TCTN3: variants seen among roughly 807,000 people sequenced by gnomAD.
TCTN3 encodes the protein tectonic family member 3, also known as tectonic-3.
TCTN3 carries 57 observed loss-of-function variants against 71.3 expected under a neutral mutation model. The ratio of observed to expected loss-of-function variants is 0.80; its 90% confidence interval spans 0.65 to 1.00. The LOEUF is 1.00. TCTN3 is among the 50% of genes least tolerant of loss of function. TCTN3 has a pLI of 0.00. For synonymous variants in TCTN3, 258 were observed against 267.8 expected, an observed-to-expected ratio of 0.96 and a Z score of 0.36; for missense variants, 696 against 719.9, an observed-to-expected ratio of 0.97 and a Z score of 0.38.
At chr10:95,676,310 A>C (rs1406044585) in intron 13 of TCTN3, among the ~76,000 whole-genome samples, 3 of 148,812 alleles carry the variant, frequency 2.0e-5, no homozygotes, top group African/African-American at 7.5e-5. Flanking sequence ...GCTGGAGTGC[A>C]GTGGCAGGAT....
intron 13 of TCTN3, among the ~76,000 whole-genome samples, chr10:95,678,533 CA>C (rs71034346): frequency 0.79 from 81,992 of 103,772 alleles, 31,315 homozygotes; most frequent in Non-Finnish European, 0.85. Flanking sequence ...AACACTGTCT[CA>C]AAAAAAAAAA....
rs747387594 is a variant in TCTN3 at position 95,683,159 on chromosome 10, A to G, written c.1240T>C (p.Ser414Pro). The stretch of plus-strand genomic sequence containing the variant: ...AACTGCACTTCATGTCTTTTAACAG[A>G]GCAACTTCCATTACCCTGGCTCTGT... Reference protein sequence around the residue: ...LLQSQGNGSCSVKRHEVQFGV... With the variant: ...LLQSQGNGSCPVKRHEVQFGV... Residue 414 changes from serine to proline, a missense_variant, in exon 11 of 14, where the codon TCT becomes CCT. Coordinates refer to ENST00000371217, the MANE Select transcript of TCTN3 (RefSeq NM_015631.6). 2.5e-6 allele frequency: 4 copies of G among 1,614,068 alleles called. No individual in the cohort carries two copies. The African/African-American group carries it at 4.0e-5, about 16-fold the overall frequency.
At position 95,683,170 on chromosome 10, in the gene TCTN3, T is replaced by C. The variant is rs1381599648; in HGVS notation, c.1229A>G (p.Asn410Ser). 2 of 1,613,958 alleles carry C rather than the reference T, an allele frequency of 1.2e-6. No homozygotes were observed. The highest frequency in any genetic ancestry group is 1.7e-6 in the Non-Finnish European group (2 of 1,179,988). Residue 410 changes from asparagine (N) to serine (S), a missense_variant, in exon 11 of 14, where the codon AAT becomes AGT. By Grantham distance (46) the Asn-to-Ser change is conservative. Transcript: ENST00000371217. ...ATGTCTTTTAACAGAGCAACTTCCA[T>C]TACCCTGGCTCTGTAAGAGGGTCAT... ...YSMTLLQSQG[N>S]GSCSVKRHEV...
chr10:95,683,167 C>T lies in TCTN3; in HGVS notation c.1232G>A (p.Gly411Glu), dbSNP rs140405704. 3 of 1,614,060 alleles carry T rather than the reference C, an allele frequency of 1.9e-6. No individual in the cohort carries two copies. The East Asian group carries it at 6.7e-5, about 36-fold the overall frequency. The change falls in exon 11 of 14, where the codon GGA becomes GAA. Residue 411 changes from glycine (G) to glutamate (E), a missense_variant. Gly to Glu is a moderately conservative substitution (Grantham distance 98). Transcript: ENST00000371217. ...SMTLLQSQGN[G>E]SCSVKRHEVQ... ...TTCATGTCTTTTAACAGAGCAACTT[C>T]CATTACCCTGGCTCTGTAAGAGGGT...
In TCTN3 at chr10:95,686,506, G is replaced by A. The variant is rs764091969; in HGVS notation, c.877C>T (p.Gln293Ter). 1.7e-5 allele frequency: 28 copies of A among 1,613,884 alleles called. No homozygotes were observed. The highest frequency in any genetic ancestry group is 1.6e-4 in the Middle Eastern group (1 of 6,084). ...LKVPRSMTDP[Q>*]NMEFQVPVIL... ...CAACAGCATCATACCTCCATATTCT[G>A]TGGATCAGTCATGCTTCTTGGAACC... The change falls in exon 7 of 14, where the codon CAG becomes TAG. Residue 293 changes from glutamine to a stop codon, truncating the protein, a stop_gained. Coordinates refer to ENST00000371217, the MANE Select transcript of TCTN3 (RefSeq NM_015631.6). LOFTEE classifies it high-confidence loss of function.
rs1177245143 is a variant in TCTN3, at chr10:95,677,572, T to TA, written c.1590+2899dup. ...AAAAATTTTGCTACTTCACTTTTTA[T>TA]AGAAAGAGGAATTTAAAGTGTTTCT... On this transcript the variant is annotated intron_variant, in intron 13 of 13. Transcript: ENST00000371217. Among the ~76,000 whole-genome samples the TA allele has an allele frequency of 5.9e-5, 9 of 151,454 alleles. No homozygotes were observed. In the East Asian group the frequency reaches 1.7e-3, roughly 29 times the overall value.
At chr10:95,685,526 C>G in intron 8 of TCTN3, 30 bp downstream of exon 8, 1 of 1,517,732 alleles carries the variant, frequency 6.6e-7, no homozygotes, top group East Asian at 2.5e-5. Context: ...TAACACACAT[C>G]AGTCCAGAAT....
At chr10:95,676,059 G>A (rs1417341181) in intron 13 of TCTN3, among the ~76,000 whole-genome samples, 2 of 152,134 alleles carry the variant, frequency 1.3e-5, no homozygotes, top group Non-Finnish European at 2.9e-5. Flanking sequence ...TTATTTGACT[G>A]TGGTATAAAA....
chr10:95,677,809 C>A (rs1196198197), intron 13 of TCTN3, among the ~76,000 whole-genome samples: 4 of 152,044 alleles, frequency 2.6e-5, no homozygotes, highest in African/African-American at 9.7e-5. Context: ...GTGGATATCA[C>A]CATTCAGCAA....
intron 8 of TCTN3, among the ~76,000 whole-genome samples, chr10:95,685,011 G>A (rs1486123568): frequency 1.3e-5 from 2 of 152,344 alleles, no homozygotes; most frequent in South Asian, 2.1e-4. Flanking sequence ...GGGGATACAA[G>A]TTGCAGGCAA....
rs760863463 is a variant in TCTN3, at chr10:95,680,606, T to C, written c.1456A>G (p.Ile486Val). 6.2e-6 allele frequency: 10 copies of C among 1,613,738 alleles called. No homozygotes were observed. The highest frequency in any genetic ancestry group is 5.5e-5 in the South Asian group (5 of 91,034). ...ILNRHCSISA[I>V]NCTSCCLIPV... is the part of the protein sequence containing the mutation. ...ATGAGACAGCAGGAAGTACAGTTTATAGCCTGCAGAAGGGTAAAGAAGCAT... is the reference window on the plus strand; with the variant it reads ...ATGAGACAGCAGGAAGTACAGTTTACAGCCTGCAGAAGGGTAAAGAAGCAT... The change falls in exon 13 of 14, where the codon ATA (isoleucine) becomes GTA (valine). Residue 486 changes from isoleucine to valine, a missense_variant. By Grantham distance (29) the Ile-to-Val change is conservative. Transcript: ENST00000371217.
At chr10:95,680,813 C>T (rs1338682107) in intron 12 of TCTN3, among the ~76,000 whole-genome samples, 1 of 149,140 alleles carries the variant, frequency 6.7e-6, no homozygotes, top group African/African-American at 2.5e-5. Flanking sequence ...AAGTCTCGCA[C>T]TGTCACCCAG....
intron 13 of TCTN3, among the ~76,000 whole-genome samples, chr10:95,676,364 C>T (rs2097937190): frequency 6.6e-6 from 1 of 151,466 alleles, no homozygotes; most frequent in Admixed American, 6.6e-5. Context: ...GAGTAATTTC[C>T]AGGTAATTTT....
intron 6 of TCTN3, 118 bp downstream of exon 6, chr10:95,686,926 C>T (rs745434950): frequency 7.2e-6 from 6 of 829,836 alleles, no homozygotes; most frequent in Admixed American, 2.7e-5. Context: ...CTGTCTTTTA[C>T]GTGGCTCCTG....
Position 95,679,886 on chromosome 10 carries a change from G to T in TCTN3, c.1590+586C>A, listed in dbSNP as rs533995989. 5.3e-5 allele frequency among the ~76,000 whole-genome samples: 8 copies of T among 152,104 alleles called. No homozygotes were observed. The East Asian group carries it at 1.3e-3, about 26-fold the overall frequency. ...ATTACAGGCGTGAGCCACCGCGCCC[G>T]GCCGTCATTTCTAAGTAAAATGAAA... On this transcript the variant is annotated intron_variant, in intron 13 of 13. Transcript: ENST00000371217.
Position 95,687,126 on chromosome 10 carries a change from C to T in TCTN3, c.770G>A (p.Arg257His), listed in dbSNP as rs758733887. Reference protein sequence around the residue: ...FLESKSTTCTRFFKNLASSCT... With the variant: ...FLESKSTTCTHFFKNLASSCT... ...GCTACTAGCCAGGTTCTTGAAAAAA[C>T]GAGTGCAAGTTGTACTTTTACTCTC... The change falls in exon 6 of 14, where the codon CGT becomes CAT. Residue 257 changes from arginine (R) to histidine (H), a missense_variant. By Grantham distance (29) the Arg-to-His change is conservative (BLOSUM62 0). Coordinates refer to ENST00000371217, the MANE Select transcript of TCTN3 (RefSeq NM_015631.6). 1.6e-4 allele frequency: 257 copies of T among 1,614,162 alleles called. 1 individual carries two copies. The South Asian group carries it at 1.9e-3, about 12-fold the overall frequency.
chr10:95,689,983 C>G (rs1589620545), intron 3 of TCTN3, among the ~76,000 whole-genome samples: 2 of 152,078 alleles, frequency 1.3e-5, no homozygotes, highest in African/African-American at 4.8e-5. Flanking sequence ...ATCGTAGATA[C>G]ATATTTTTTT....
chr10:95,684,758 A>G, intron 8 of TCTN3, 134 bp from the exon 9 acceptor site: 2 of 901,876 alleles, frequency 2.2e-6, no homozygotes, highest in Non-Finnish European at 3.2e-6. Flanking sequence ...TAAAAATGCC[A>G]AACACAAATA....
chr10:95,677,339 T>C (rs1445201783), intron 13 of TCTN3, among the ~76,000 whole-genome samples: 1 of 152,140 alleles, frequency 6.6e-6, no homozygotes, highest in Non-Finnish European at 1.5e-5. Context: ...GCTGTTTACC[T>C]CATGGGTTTG....
Sources: gnomAD v4.1 joint callset for allele counts (sites outside exome capture counted in the v4.1 genomes callset) on GRCh38, gnomAD v4.1.1 for gene constraint, MANE v1.5 for transcripts, NCBI Gene and HGNC (gene_info 2026-07-23, HGNC 2026-07-21) for gene names.